Variants in DIRAS1 observed in about 807,000 individuals in gnomAD.
The protein encoded by DIRAS1 is GTP-binding protein Di-Ras1.
In DIRAS1, 3 loss-of-function variants were observed where a neutral mutation model predicts 11.5. That is an observed-to-expected ratio of 0.26 (90% CI 0.12 to 0.67). DIRAS1 has a LOEUF of 0.67. Ranked by LOEUF, DIRAS1 falls within the 30% of genes least tolerant of loss-of-function variation. DIRAS1 has a pLI of 0.80. For missense variants in DIRAS1, 212 were observed against 285.3 expected, an observed-to-expected ratio of 0.74 and a Z score of 1.85; for synonymous variants, 128 against 125.8, an observed-to-expected ratio of 1.02 and a Z score of -0.12.
chr19:2,721,110 T>G (rs1599478416), intron 1 of DIRAS1, among the ~76,000 whole-genome samples, 194 bp downstream of exon 1: 2 of 120,026 alleles, frequency 1.7e-5, no homozygotes, highest in Admixed American at 8.0e-5. Context: ...CTGTCCAAGG[T>G]GAGCGCGGAG....
Position 2,717,138 on chromosome 19 carries a change from G to T in DIRAS1, c.*72C>A. 3 of 1,456,010 alleles carry T rather than the reference G, an allele frequency of 2.1e-6. No individual in the cohort carries two copies. The highest frequency in any genetic ancestry group is 2.8e-6 in the Non-Finnish European group (3 of 1,081,076). 90.2% of individuals were successfully genotyped at this position (1,456,010 alleles called of 1,614,324 possible). A position where few individuals can be genotyped will look rare whatever the true frequency, so the allele number is the denominator to read the frequency against. Reference sequence around the variant, plus strand: ...GGATGAGAGAAGAGGAGGAGGCCGAGGAGGGTGTCGGTGTTGGGGGAGGCA... The same window carrying T: ...GGATGAGAGAAGAGGAGGAGGCCGATGAGGGTGTCGGTGTTGGGGGAGGCA... On this transcript the variant is annotated 3_prime_UTR_variant, in exon 2 of 2. Transcript: ENST00000323469.
At position 2,716,027 on chromosome 19, in the gene DIRAS1, C is replaced by A. The variant is rs538679913; in HGVS notation, c.*1183G>T. 1 of 152,366 alleles carries A rather than the reference C, an allele frequency of 6.6e-6. No homozygotes were observed. The highest frequency in any genetic ancestry group is 6.5e-5 in the Admixed American group (1 of 15,288). The allele number at this position is 152,366 out of a possible 1,614,324, so 9.4% of individuals were successfully genotyped here. A position where few individuals can be genotyped will look rare whatever the true frequency, so the allele number is the denominator to read the frequency against. On this transcript the variant is annotated 3_prime_UTR_variant, in exon 2 of 2. Coordinates refer to ENST00000323469, the MANE Select transcript of DIRAS1 (RefSeq NM_145173.4). ...CCAGACAGACACACACAGGTATACA[C>A]GCAGATGCACTTAGATACAAGTCAC... is the stretch of plus-strand genomic sequence containing the variant.
chr19:2,720,965 C>A (rs1488298474), intron 1 of DIRAS1, among the ~76,000 whole-genome samples: 1 of 145,022 alleles, frequency 6.9e-6, no homozygotes, highest in Non-Finnish European at 1.5e-5. Context: ...GGGCGGAGGG[C>A]GAAGAAGGCG....
Position 2,716,166 on chromosome 19 carries a change from A to T in DIRAS1, c.*1044T>A, listed in dbSNP as rs368737674. On this transcript the variant is annotated 3_prime_UTR_variant, in exon 2 of 2. Coordinates refer to ENST00000323469, the MANE Select transcript of DIRAS1 (RefSeq NM_145173.4). ...TGGTGTCACTCAGACTCTCTCAAAA[A>T]ACACCCAGAACCTCATGGCTGCAGG... 3.3e-5 allele frequency: 5 copies of T among 152,340 alleles called. No individual in the cohort carries two copies. The highest frequency in any genetic ancestry group is 1.2e-4 in the African/African-American group (5 of 41,562). The allele number at this position is 152,340 out of a possible 1,614,324, so 9.4% of individuals were successfully genotyped here. A position where few individuals can be genotyped will look rare whatever the true frequency, so the allele number is the denominator to read the frequency against.
At position 2,716,336 on chromosome 19, in the gene DIRAS1, G is replaced by A. The variant is rs993403498; in HGVS notation, c.*874C>T. On this transcript the variant is annotated 3_prime_UTR_variant, in exon 2 of 2. Coordinates refer to ENST00000323469, the MANE Select transcript of DIRAS1 (RefSeq NM_145173.4). ...TGGCTCCCATCGGCTGTCCCCCCAC[G>A]GGGGTGTAATTGATGTATCTCTGGC... The A allele has an allele frequency of 3.9e-5, 6 of 152,388 alleles. No individual in the cohort carries two copies. The South Asian group carries it at 6.2e-4, about 16-fold the overall frequency. 9.4% of individuals were successfully genotyped at this position (152,388 alleles called of 1,614,324 possible).
rs1306969328 is a variant in DIRAS1, at chr19:2,718,180, G to A, written c.-69-305C>T. ...CCCACGAAACTCCTTCCCCGGGTGT[G>A]GGTGTCCCTTCCAGGCTGTGCCAGC... On this transcript the variant is annotated intron_variant, in intron 1 of 1. Transcript: ENST00000323469. The surrounding 1 kb of genome is among the most constrained non-coding windows in gnomAD (Gnocchi z 4.2). Among the ~76,000 whole-genome samples, 2 of 152,244 alleles carry A rather than the reference G, an allele frequency of 1.3e-5. No homozygotes were observed. Among genetic ancestry groups the A allele is most frequent in the Admixed American group, 6.5e-5 (1 of 15,282 alleles).
Position 2,717,887 on chromosome 19 carries a change from G to A in DIRAS1, c.-69-12C>T. The A allele has an allele frequency of 2.1e-6, 3 of 1,409,074 alleles. No homozygotes were observed. The highest frequency in any genetic ancestry group is 2.9e-6 in the Non-Finnish European group (3 of 1,052,492). 87.3% of individuals were successfully genotyped at this position (1,409,074 alleles called of 1,614,324 possible). A position where few individuals can be genotyped will look rare whatever the true frequency, so the allele number is the denominator to read the frequency against. ...ACCCCAGACCGAGCCTGTGCAGAGA[G>A]GAGGGTCACACGTCAAAGGCCACCC... On this transcript the variant is annotated splice_polypyrimidine_tract_variant and intron_variant, in intron 1 of 1. Transcript: ENST00000323469.
Position 2,717,553 on chromosome 19 carries a change from A to T in DIRAS1, c.254T>A (p.Val85Glu). ...SISKGHAFIL[V>E]FSVTSKQSLE... ...CGACTGCTTGCTGGTGACGGAGAAC[A>T]CCAGGATGAAGGCGTGGCCCTTGGA... is the stretch of plus-strand genomic sequence containing the variant. The change falls in exon 2 of 2, where the codon GTG (valine) becomes GAG (glutamate). Residue 85 changes from valine (V) to glutamate (E), a missense_variant. Coordinates refer to ENST00000323469, the MANE Select transcript of DIRAS1 (RefSeq NM_145173.4). 1 of 1,613,256 alleles carries T rather than the reference A, an allele frequency of 6.2e-7. No homozygotes were observed. Among genetic ancestry groups the T allele is most frequent in the Non-Finnish European group, 8.5e-7 (1 of 1,179,844 alleles).
Position 2,717,050 on chromosome 19 carries a change from T to C in DIRAS1, c.*160A>G, listed in dbSNP as rs1050111061. 7.5e-6 allele frequency: 5 copies of C among 669,768 alleles called. No individual in the cohort carries two copies. The highest frequency in any genetic ancestry group is 7.3e-5 in the African/African-American group (3 of 41,368). The allele number at this position is 669,768 out of a possible 1,614,324, so 41.5% of individuals were successfully genotyped here. On this transcript the variant is annotated 3_prime_UTR_variant, in exon 2 of 2. Transcript: ENST00000323469. ...GAAAAGCCCCAGCCCTGCCTCGGGG[T>C]GGGCAGGGGCAGCGGAGGGGGGGGC... is the stretch of plus-strand genomic sequence containing the variant.
chr19:2,717,708 G>C lies in DIRAS1; in HGVS notation c.99C>G (p.Arg33=). 2 of 1,609,916 alleles carry C rather than the reference G, an allele frequency of 1.2e-6. No individual in the cohort carries two copies. The change falls in exon 2 of 2, where the codon CGC becomes CGG. Residue 33 remains arginine (R), a synonymous_variant. Coordinates refer to ENST00000323469, the MANE Select transcript of DIRAS1 (RefSeq NM_145173.4). The part of the protein sequence containing the change: ...LVLRFVKGTF[R]DTYIPTIEDT... ...CCTCGATGGTGGGGATGTAGGTGTC[G>C]CGGAACGTGCCCTTCACGAAGCGCA...
intron 1 of DIRAS1, among the ~76,000 whole-genome samples, chr19:2,720,508 C>A (rs1189531899): frequency 6.6e-6 from 1 of 152,242 alleles, no homozygotes; most frequent in African/African-American, 2.4e-5. Flanking sequence ...GGGGTGGAGG[C>A]GCACAGCGGG....
rs1913772184 is a variant in DIRAS1 at position 2,715,692 on chromosome 19, A to C, written c.*1518T>G. On this transcript the variant is annotated 3_prime_UTR_variant, in exon 2 of 2. Transcript: ENST00000323469. ...GTTGCTACATTTGTGGTCATTTGTT[A>C]CACAGCAGTAGCTGACTGATACAGA... 1 of 152,254 alleles carries C rather than the reference A, an allele frequency of 6.6e-6. No homozygotes were observed. The highest frequency in any genetic ancestry group is 1.5e-5 in the Non-Finnish European group (1 of 68,064). The allele number at this position is 152,254 out of a possible 1,614,324, so 9.4% of individuals were successfully genotyped here.
At position 2,718,387 on chromosome 19, in the gene DIRAS1, C is replaced by G. The variant is rs545545196; in HGVS notation, c.-69-512G>C. 6.6e-6 allele frequency among the ~76,000 whole-genome samples: 1 copy of G among 152,352 alleles called. No homozygotes were observed. Among genetic ancestry groups the G allele is most frequent in the African/African-American group, 2.4e-5 (1 of 41,566 alleles). On this transcript the variant is annotated intron_variant, in intron 1 of 1. Transcript: ENST00000323469. The surrounding 1 kb of genome is among the most constrained non-coding windows in gnomAD (Gnocchi z 4.2). ...ATGGGTCCCCTGCTCTTCCGCCAAC[C>G]CAGAGATGGCCAATCCTCATGGAAG...
chr19:2,717,098 G>C lies in DIRAS1; in HGVS notation c.*112C>G. ...GGCGGTGGCCTCGGTTTCCCCAGCC[G>C]AGGTGTCGGAGGAAGGATGAGAGAA... On this transcript the variant is annotated 3_prime_UTR_variant, in exon 2 of 2. Transcript: ENST00000323469. 3 of 1,211,350 alleles carry C rather than the reference G, an allele frequency of 2.5e-6. No homozygotes were observed. Among genetic ancestry groups the C allele is most frequent in the Non-Finnish European group, 3.4e-6 (3 of 879,004 alleles). 75.0% of individuals were successfully genotyped at this position (1,211,350 alleles called of 1,614,324 possible). A position where few individuals can be genotyped will look rare whatever the true frequency, so the allele number is the denominator to read the frequency against.
At chr19:2,720,288 C>G (rs1913924125) in intron 1 of DIRAS1, among the ~76,000 whole-genome samples, 2 of 152,206 alleles carry the variant, frequency 1.3e-5, no homozygotes, top group Admixed American at 1.3e-4. Flanking sequence ...CAGCCTTTGC[C>G]TTGCTGCGGG....
At chr19:2,717,982 GC>G in intron 1 of DIRAS1, 107 bp from the exon 2 acceptor site, 1 of 675,456 alleles carries the variant, frequency 1.5e-6, no homozygotes, top group African/African-American at 1.8e-5. Context: ...GGAGGTGGCT[GC>G]CGTGCCTCCT....
rs1327235388 is a variant in DIRAS1, at chr19:2,721,079, G to C, written c.-70+225C>G. 2.6e-5 allele frequency among the ~76,000 whole-genome samples: 4 copies of C among 151,092 alleles called. No individual in the cohort carries two copies. In the East Asian group the frequency reaches 7.9e-4, roughly 30 times the overall value. The stretch of plus-strand genomic sequence containing the variant: ...CGGCAGGGGGGCGCCCTCCGGGTGG[G>C]GGAGGGGAGGCGGCCGGGAGCTGTC... On this transcript the variant is annotated intron_variant, in intron 1 of 1. Transcript: ENST00000323469.
At chr19:2,719,129 T>G (rs966975965) in intron 1 of DIRAS1, 1 of 152,136 alleles carries the variant, frequency 6.6e-6, no homozygotes, top group African/African-American at 2.4e-5. Context: ...CTGGAACTTG[T>G]ATTACAGGGC....
rs959112498 is a variant in DIRAS1 at position 2,718,478 on chromosome 19, C to G, written c.-69-603G>C. 1.6e-4 allele frequency among the ~76,000 whole-genome samples: 24 copies of G among 152,328 alleles called. No homozygotes were observed. The highest frequency in any genetic ancestry group is 5.8e-4 in the African/African-American group (24 of 41,576). Reference sequence around the variant, plus strand: ...GCAGCCCTAGGTGTGATGAATCGGTCGGCCAGGGCAACGGCCCTGGGAACT... The same window carrying G: ...GCAGCCCTAGGTGTGATGAATCGGTGGGCCAGGGCAACGGCCCTGGGAACT... On this transcript the variant is annotated intron_variant, in intron 1 of 1. Coordinates refer to ENST00000323469, the MANE Select transcript of DIRAS1 (RefSeq NM_145173.4). The surrounding 1 kb of genome is among the most constrained non-coding windows in gnomAD (Gnocchi z 4.2).
Sources: allele counts gnomAD v4.1 joint callset (sites outside exome capture counted in the v4.1 genomes callset), GRCh38; gene constraint gnomAD v4.1.1; non-coding constraint Gnocchi (gnomAD v3.1); transcripts MANE v1.5; gene names NCBI Gene and HGNC (gene_info 2026-07-23, HGNC 2026-07-21).